PI4KA: variants seen among roughly 807,000 people sequenced by gnomAD.
PI4KA encodes the protein phosphatidylinositol 4-kinase alpha, also known as PI4-kinase alpha.
Under a neutral mutation model 271.4 loss-of-function variants are expected in PI4KA, and 122 were observed. The observed-to-expected ratio is 0.45, with a 90% CI of 0.39 to 0.52. PI4KA has a LOEUF of 0.52. Ranked by LOEUF, PI4KA falls within the 20% of genes least tolerant of loss-of-function variation. The pLI is 0.00. For missense variants in PI4KA, 1,969 were observed against 2,769.1 expected (o/e 0.71, Z 6.48); for synonymous variants, 1,041 against 1,078.8 (o/e 0.96, Z 0.69).
intron 18 of PI4KA, among the ~76,000 whole-genome samples, chr22:20,793,537 T>C (rs893220387): frequency 1.4e-4 from 21 of 152,148 alleles, no homozygotes; most frequent in African/African-American, 4.6e-4. Context: ...CTGAAAAGCA[T>C]TTAGTCACCA....
chr22:20,777,300 T>C (rs1933376316), intron 19 of PI4KA, among the ~76,000 whole-genome samples: 1 of 151,606 alleles, frequency 6.6e-6, no homozygotes, highest in Non-Finnish European at 1.5e-5. Flanking sequence ...CACCACAACC[T>C]CTGCCTCCTG....
At chr22:20,755,781 G>A (rs181157074) in intron 23 of PI4KA, among the ~76,000 whole-genome samples, 1 of 150,090 alleles carries the variant, frequency 6.7e-6, no homozygotes, top group East Asian at 2.0e-4. Flanking sequence ...TAGGCTGGGT[G>A]ACAGAGCGAC....
At chr22:20,837,187 A>G (rs963883465) in intron 2 of PI4KA, among the ~76,000 whole-genome samples, 1 of 152,162 alleles carries the variant, frequency 6.6e-6, no homozygotes, top group Admixed American at 6.5e-5. Flanking sequence ...CCAGGGTTGG[A>G]GATCAACCTG....
At chr22:20,793,979 A>G (rs1225830856) in intron 18 of PI4KA, among the ~76,000 whole-genome samples, 1 of 152,254 alleles carries the variant, frequency 6.6e-6, no homozygotes, top group Non-Finnish European at 1.5e-5. Context: ...AGTGCTTCGC[A>G]TGCACTAACT....
intron 18 of PI4KA, among the ~76,000 whole-genome samples, chr22:20,794,232 G>C (rs1441512783): frequency 6.6e-6 from 1 of 152,234 alleles, no homozygotes. Flanking sequence ...ACAACCCACA[G>C]ACCTTAGTTT....
At chr22:20,773,816 GA>G (rs1933030320) in intron 19 of PI4KA, 1 of 152,424 alleles carries the variant, frequency 6.6e-6, no homozygotes, top group Non-Finnish European at 1.5e-5. Flanking sequence ...CTGGTCCCCA[GA>G]GGCCTGAAGA....
intron 18 of PI4KA, among the ~76,000 whole-genome samples, chr22:20,794,298 C>G (rs1236354567): frequency 6.6e-6 from 1 of 152,160 alleles, no homozygotes; most frequent in East Asian, 1.9e-4. Context: ...GGTCCAATTT[C>G]CAGGGGAGAG....
In PI4KA at chr22:20,751,606, G is replaced by A. The variant is rs562333541; in HGVS notation, c.3069+68C>T. The A allele has an allele frequency of 1.5e-4, 192 of 1,303,074 alleles. No homozygotes were observed. The East Asian group carries it at 3.6e-3, about 25-fold the overall frequency. 80.7% of individuals were successfully genotyped at this position (1,303,074 alleles called of 1,614,324 possible). ...AGAGAAGCATGCCACAACACAGGGC[G>A]GACAGGGCCGGCGGGGTGGTGGTAG... is the stretch of plus-strand genomic sequence containing the variant. On this transcript the variant is annotated intron_variant, in intron 26 of 54. Transcript: ENST00000255882.
intron 19 of PI4KA, among the ~76,000 whole-genome samples, chr22:20,776,890 C>CA (rs146029912): frequency 0.03 from 4,524 of 152,278 alleles, 89 homozygotes; most frequent in Middle Eastern, 0.061. Context: ...ACCCCATCTT[C>CA]AGGCCTACTG....
intron 19 of PI4KA, among the ~76,000 whole-genome samples, chr22:20,767,225 G>A (rs985991964): frequency 1.3e-5 from 2 of 152,076 alleles, no homozygotes; most frequent in South Asian, 2.1e-4. Context: ...GGTGGATCAC[G>A]AGGTCAGGAG....
intron 19 of PI4KA, chr22:20,787,868 G>T: frequency 6.5e-6 from 1 of 153,828 alleles, no homozygotes; most frequent in Non-Finnish European, 1.4e-5. Context: ...GGACAGGACA[G>T]GTGTGTGCTG....
chr22:20,849,055 A>AC (rs1454054442), intron 1 of PI4KA, among the ~76,000 whole-genome samples: 1 of 152,238 alleles, frequency 6.6e-6, no homozygotes, highest in African/African-American at 2.4e-5. Context: ...ATCTACAAAT[A>AC]CCCCAAAAGA....
chr22:20,809,350 T>C (rs1173925961), intron 9 of PI4KA, among the ~76,000 whole-genome samples: 1 of 152,146 alleles, frequency 6.6e-6, no homozygotes, highest in East Asian at 1.9e-4. Flanking sequence ...ATAATAAGCA[T>C]GTAATAATTG....
chr22:20,757,131 G>A (rs1931399861), intron 23 of PI4KA, among the ~76,000 whole-genome samples: 1 of 152,122 alleles, frequency 6.6e-6, no homozygotes, highest in Non-Finnish European at 1.5e-5. Context: ...CACTTTAGTG[G>A]GGCTGCTAGA....
intron 7 of PI4KA, among the ~76,000 whole-genome samples, chr22:20,817,343 A>T (rs1319032206): frequency 3.3e-5 from 5 of 152,172 alleles, no homozygotes; most frequent in Non-Finnish European, 5.9e-5. Context: ...AGTAAGGTAG[A>T]AATAATTTTA....
chr22:20,714,349 A>G, intron 47 of PI4KA, 109 bp downstream of exon 47: 3 of 1,502,616 alleles, frequency 2.0e-6, no homozygotes, highest in Non-Finnish European at 2.7e-6. Context: ...AGATGGACAG[A>G]CATCATCTTT....
chr22:20,734,322 C>T (rs1928433285), intron 33 of PI4KA, 73 bp downstream of exon 33: 10 of 1,380,698 alleles, frequency 7.2e-6, no homozygotes, highest in Non-Finnish European at 9.9e-6. Context: ...GGCTCGGCTA[C>T]CCCCACCCCA....
chr22:20,827,458 T>C (rs551572963), intron 3 of PI4KA, among the ~76,000 whole-genome samples: 1 of 152,334 alleles, frequency 6.6e-6, no homozygotes, highest in East Asian at 1.9e-4. Context: ...AGCCCTGTAG[T>C]AGAGGTGAAG....
In PI4KA at chr22:20,753,492, A is replaced by ATC. The variant is rs568456671; in HGVS notation, c.2792-314_2792-313dup. On this transcript the variant is annotated intron_variant, in intron 23 of 54. Transcript: ENST00000255882. The stretch of plus-strand genomic sequence containing the variant: ...AACCCAGGACACCAGGTGGCATTTA[A>ATC]TCTGTGTCTCCTACTCCTGTCCAAT... Among the ~76,000 whole-genome samples, 188 of 152,248 alleles carry ATC rather than the reference A, an allele frequency of 1.2e-3. 1 individual carries two copies. The highest frequency in any genetic ancestry group is 4.4e-3 in the African/African-American group (184 of 41,532).
Sources: allele counts gnomAD v4.1 joint callset (sites outside exome capture counted in the v4.1 genomes callset), GRCh38; gene constraint gnomAD v4.1.1; transcripts MANE v1.5; gene names NCBI Gene and HGNC (gene_info 2026-07-23, HGNC 2026-07-21).